GPHN: variants seen among roughly 807,000 people sequenced by gnomAD.
The protein encoded by GPHN is gephyrin.
GPHN carries 17 observed loss-of-function variants against 95.5 expected under a neutral mutation model. That is an observed-to-expected ratio of 0.18 (90% CI 0.12 to 0.27). GPHN has a LOEUF of 0.27. Ranked by LOEUF, GPHN falls within the 10% of genes least tolerant of loss-of-function variation. The pLI is 1.00. For synonymous variants in GPHN, 320 were observed against 322.5 expected (o/e 0.99, Z 0.08); for missense variants, 660 against 978.1 (o/e 0.67, Z 4.34).
chr14:67,017,534 A>G (rs1363905937), intron 9 of GPHN, among the ~76,000 whole-genome samples: 1 of 152,100 alleles, frequency 6.6e-6, no homozygotes, highest in African/African-American at 2.4e-5. Context: ...TAAGTTTAAT[A>G]AGGTAGAAAA....
chr14:67,489,977 G>A, the GPHN span, among the ~76,000 whole-genome samples: 1,528 of 143,804 alleles, frequency 0.011, 19 homozygotes, highest in East Asian at 0.077. Context: ...GCGACAGAGC[G>A]AGACTCCGTC....
At chr14:66,925,872 G>A (rs758724737) in intron 8 of GPHN, among the ~76,000 whole-genome samples, 37 of 152,086 alleles carry the variant, frequency 2.4e-4, no homozygotes, top group Non-Finnish European at 4.4e-4. Flanking sequence ...CACCAATAGC[G>A]AACAAGTGTT....
At chr14:67,638,045 A>G in the GPHN span, among the ~76,000 whole-genome samples, 152,246 of 152,326 alleles carry the variant, frequency 1, 76,083 homozygotes, top group Middle Eastern at 1. Flanking sequence ...CCTAGGCATG[A>G]GAGCCACAAG....
intron 17 of GPHN, among the ~76,000 whole-genome samples, chr14:67,133,258 T>C (rs771548774): frequency 6.6e-6 from 1 of 152,190 alleles, no homozygotes; most frequent in African/African-American, 2.4e-5. Flanking sequence ...CCACACATCC[T>C]AGACTTTTTC....
intron 5 of GPHN, 108 bp from the exon 6 acceptor site, chr14:66,915,895 A>G (rs2065872975): frequency 1.3e-6 from 1 of 752,718 alleles, no homozygotes; most frequent in Non-Finnish European, 2.4e-6. Flanking sequence ...TTTTATTCCT[A>G]AAACAGTTGT....
chr14:66,730,862 C>T (rs1372178923), intron 2 of GPHN, among the ~76,000 whole-genome samples: 2 of 152,090 alleles, frequency 1.3e-5, no homozygotes, highest in Non-Finnish European at 2.9e-5. Context: ...GCTCTGTGCC[C>T]CTACCTAAAT....
intron 2 of GPHN, among the ~76,000 whole-genome samples, chr14:66,752,703 A>G (rs2058412609): frequency 6.6e-6 from 1 of 152,084 alleles, no homozygotes; most frequent in African/African-American, 2.4e-5. Flanking sequence ...AAAACGTGAC[A>G]CAGACGTGAA....
the GPHN span, among the ~76,000 whole-genome samples, chr14:67,672,123 A>ATT: frequency 9.7e-4 from 139 of 143,516 alleles, no homozygotes; most frequent in African/African-American, 3.4e-3. Flanking sequence ...TGCAGTCTAC[A>ATT]TTTTTTTTTT....
At chr14:67,439,545 C>A in the GPHN span, among the ~76,000 whole-genome samples, 1 of 137,906 alleles carries the variant, frequency 7.3e-6, no homozygotes, top group Admixed American at 7.4e-5. Flanking sequence ...TTCTTTCTTT[C>A]TTTCTTTCTT....
At chr14:67,087,414 G>A (rs1288120698) in intron 11 of GPHN, among the ~76,000 whole-genome samples, 2 of 151,666 alleles carry the variant, frequency 1.3e-5, no homozygotes, top group Non-Finnish European at 2.9e-5. Flanking sequence ...TATAGCTTCA[G>A]GTTCATGTGA....
the GPHN span, among the ~76,000 whole-genome samples, chr14:67,681,959 C>T: frequency 5.5e-4 from 83 of 152,236 alleles, no homozygotes; most frequent in African/African-American, 2.0e-3. Context: ...TGCCCTCATA[C>T]CTGGATTAAT....
chr14:66,996,298 CTTAA>C, intron 9 of GPHN: 1 of 964,506 alleles, frequency 1.0e-6, no homozygotes, highest in Non-Finnish European at 1.6e-6. Context: ...TTCCTTTCGC[CTTAA>C]TTTATTTTGC....
chr14:67,232,405 T>A, the GPHN span, among the ~76,000 whole-genome samples: 1 of 152,190 alleles, frequency 6.6e-6, no homozygotes, highest in African/African-American at 2.4e-5. Flanking sequence ...TGGAGGCAGA[T>A]CCTTTAGTCC....
chr14:67,101,957 C>T (rs111648949), intron 13 of GPHN, among the ~76,000 whole-genome samples: 4 of 151,862 alleles, frequency 2.6e-5, no homozygotes, highest in African/African-American at 4.8e-5. Flanking sequence ...CTGCAAGCTC[C>T]GCCTCCCGGG....
chr14:66,619,488 G>GT (rs56979886), intron 1 of GPHN, among the ~76,000 whole-genome samples: 40,608 of 143,326 alleles, frequency 0.28, 10,242 homozygotes, highest in African/African-American at 0.65. Context: ...ATATTCTCAG[G>GT]TTTTTTTTTT....
chr14:66,725,377 C>T (rs982814333), intron 2 of GPHN, among the ~76,000 whole-genome samples: 3 of 152,118 alleles, frequency 2.0e-5, no homozygotes, highest in Admixed American at 6.6e-5. Flanking sequence ...TTTTTCCCTT[C>T]ATATTTGTTG....
chr14:67,050,238 G>T (rs992220661), intron 10 of GPHN, among the ~76,000 whole-genome samples: 3 of 152,094 alleles, frequency 2.0e-5, no homozygotes, highest in Non-Finnish European at 4.4e-5. Context: ...CTATAAAAAA[G>T]TACAAATTAT....
At chr14:67,385,544 G>A in the GPHN span, 1 of 151,828 alleles carries the variant, frequency 6.6e-6, no homozygotes, top group Non-Finnish European at 1.5e-5. Flanking sequence ...GATGTCAAGT[G>A]GCTATCAATT....
At chr14:67,600,406 A>C in the GPHN span, 524,449 of 532,946 alleles carry the variant, frequency 0.98, 258,480 homozygotes, top group East Asian at 1. Context: ...TGTCTTCGAA[A>C]AAACCTCGTC....
Sources: gnomAD v4.1 joint callset for allele counts (sites outside exome capture counted in the v4.1 genomes callset) on GRCh38, gnomAD v4.1.1 for gene constraint, MANE v1.5 for transcripts, NCBI Gene and HGNC (gene_info 2026-07-23, HGNC 2026-07-21) for gene names.